The following TMTC2 variants were observed in gnomAD, a reference collection of about 807,000 sequenced individuals.
The protein encoded by TMTC2 is protein O-mannosyl-transferase TMTC2.
A neutral mutation model predicts 82.4 loss-of-function variants in TMTC2; 43 were observed. The ratio of observed to expected loss-of-function variants is 0.52; its 90% confidence interval spans 0.41 to 0.67. TMTC2 has a LOEUF of 0.67. Among genes scored for constraint, TMTC2 ranks in the 30% least tolerant of loss-of-function variants. The pLI is 0.00. For synonymous variants in TMTC2, 408 were observed against 381.9 expected (o/e 1.07, Z -0.80); for missense variants, 919 against 1,012.4 (o/e 0.91, Z 1.25).
intron 1 of TMTC2, chr12:82,760,474 T>G (rs1876557103): frequency 6.7e-6 from 1 of 149,084 alleles, no homozygotes; most frequent in Non-Finnish European, 1.5e-5. Flanking sequence ...GGGTTTTTTT[T>G]TTTTTTTTTT....
chr12:82,881,809 A>G (rs886337800), intron 2 of TMTC2, among the ~76,000 whole-genome samples: 1 of 152,204 alleles, frequency 6.6e-6, no homozygotes, highest in Non-Finnish European at 1.5e-5. Context: ...TGCTTTCAGC[A>G]AAGTTATTCC....
At chr12:83,081,026 C>G (rs1055696176) in intron 11 of TMTC2, among the ~76,000 whole-genome samples, 3 of 152,194 alleles carry the variant, frequency 2.0e-5, no homozygotes, top group African/African-American at 7.2e-5. Context: ...GGTCCCTATC[C>G]TCTCAGAGAC....
intron 2 of TMTC2, among the ~76,000 whole-genome samples, chr12:82,870,630 C>T (rs991611012): frequency 1.3e-5 from 2 of 152,202 alleles, no homozygotes; most frequent in East Asian, 3.8e-4. Flanking sequence ...TAGCATTCAT[C>T]CTGTTACTTG....
chr12:83,093,330 A>G (rs1883906665), intron 11 of TMTC2, among the ~76,000 whole-genome samples: 1 of 152,234 alleles, frequency 6.6e-6, no homozygotes, highest in Non-Finnish European at 1.5e-5. Context: ...TTGACCAAAA[A>G]AGAAAAAAGA....
chr12:82,899,902 G>A (rs368074475), intron 3 of TMTC2, among the ~76,000 whole-genome samples: 721 of 119,052 alleles, frequency 6.1e-3, no homozygotes, highest in African/African-American at 0.016. Flanking sequence ...ATGTAGGAAT[G>A]TATATACATA....
rs1452560727 is a variant in TMTC2, at chr12:82,815,459, C to T, written c.84-41551C>T. Among the ~76,000 whole-genome samples the T allele has an allele frequency of 2.6e-5, 4 of 151,724 alleles. 1 individual carries two copies. The South Asian group carries it at 6.2e-4, about 24-fold the overall frequency. On this transcript the variant is annotated intron_variant, in intron 1 of 11. Transcript: ENST00000321196. ...CTGAGTAGCTGGGACTACAGGCGCC[C>T]GCCACCACGCCCAGCTAATTTTTTT... is the stretch of plus-strand genomic sequence containing the variant.
rs557980754 is a variant in TMTC2 at position 83,117,833 on chromosome 12, G to A, written c.2332-14377G>A. Among the ~76,000 whole-genome samples the A allele has an allele frequency of 7.2e-5, 11 of 152,126 alleles. No individual in the cohort carries two copies. The East Asian group carries it at 1.9e-3, about 27-fold the overall frequency. On this transcript the variant is annotated intron_variant, in intron 11 of 11. Transcript: ENST00000321196. Reference sequence around the variant, plus strand: ...TTTGTGTCATCTATGATTTCTTTCAGCAGTGTTTGTAGTTTTCTTTGTAGA... The same window carrying A: ...TTTGTGTCATCTATGATTTCTTTCAACAGTGTTTGTAGTTTTCTTTGTAGA...
In TMTC2 at chr12:82,857,227, C is replaced by T. The variant is rs758121782; in HGVS notation, c.301C>T (p.Leu101Phe). ...NVLLHAAVTG[L>F]FTSFSKILLG... ...CCTGTTGCATGCAGCAGTCACTGGT[C>T]TCTTCACAAGCTTCTCCAAGATCCT... The change falls in exon 2 of 12, where the codon CTC (leucine) becomes TTC (phenylalanine). Residue 101 changes from leucine (L) to phenylalanine (F), a missense_variant. By Grantham distance (22) the Leu-to-Phe change is conservative. Coordinates refer to ENST00000321196, the MANE Select transcript of TMTC2 (RefSeq NM_152588.3). 1.2e-6 allele frequency: 2 copies of T among 1,614,164 alleles called. No individual in the cohort carries two copies.
intron 10 of TMTC2, among the ~76,000 whole-genome samples, chr12:83,057,647 T>C (rs1047723036): frequency 2.6e-5 from 4 of 151,896 alleles, no homozygotes; most frequent in Middle Eastern, 3.2e-3. Context: ...CATCAGAGCC[T>C]GGCAAGAATC....
chr12:82,797,319 A>G (rs1332796757), intron 1 of TMTC2, among the ~76,000 whole-genome samples: 1 of 152,172 alleles, frequency 6.6e-6, no homozygotes, highest in Non-Finnish European at 1.5e-5. Context: ...GGCTGTCTTC[A>G]CATTAATTGT....
chr12:82,802,084 C>T (rs1374167714), intron 1 of TMTC2, among the ~76,000 whole-genome samples: 1 of 152,062 alleles, frequency 6.6e-6, no homozygotes, highest in African/African-American at 2.4e-5. Context: ...CGCCATGGAG[C>T]AGGGGGTGGC....
At chr12:82,759,947 G>T (rs1876519774) in intron 1 of TMTC2, 2 of 152,042 alleles carry the variant, frequency 1.3e-5, no homozygotes, top group African/African-American at 4.8e-5. Flanking sequence ...ACAAAGTTTG[G>T]GTTACCTCGA....
Position 83,132,499 on chromosome 12 carries a change from G to A in TMTC2, c.*110G>A. ...AGCTGGTGTTAGACTTCAAGACCAG[G>A]GCAGAGGTCATTGAGGTCACTACCG... On this transcript the variant is annotated 3_prime_UTR_variant, in exon 12 of 12. Coordinates refer to ENST00000321196, the MANE Select transcript of TMTC2 (RefSeq NM_152588.3). 1 of 1,259,004 alleles carries A rather than the reference G, an allele frequency of 7.9e-7. No homozygotes were observed. The highest frequency in any genetic ancestry group is 1.4e-5 in the South Asian group (1 of 70,552). The allele number at this position is 1,259,004 out of a possible 1,614,324, so 78.0% of individuals were successfully genotyped here. A position where few individuals can be genotyped will look rare whatever the true frequency, so the allele number is the denominator to read the frequency against.
intron 4 of TMTC2, among the ~76,000 whole-genome samples, chr12:82,951,988 G>A (rs1877372726): frequency 1.3e-5 from 2 of 152,076 alleles, no homozygotes; most frequent in South Asian, 2.1e-4. Context: ...CGAATACAAA[G>A]TCTGCTATCC....
At chr12:82,819,555 G>A (rs1439101902) in intron 1 of TMTC2, among the ~76,000 whole-genome samples, 5 of 141,894 alleles carry the variant, frequency 3.5e-5, no homozygotes, top group Non-Finnish European at 7.5e-5. Context: ...AGGCTGGAGT[G>A]CAATGGCATG....
intron 9 of TMTC2, among the ~76,000 whole-genome samples, chr12:83,040,875 AGG>A (rs759772907): frequency 9.2e-5 from 14 of 151,898 alleles, no homozygotes; most frequent in Non-Finnish European, 1.6e-4. Context: ...TAGTAGAGAC[AGG>A]GGATCACCGT....
intron 4 of TMTC2, among the ~76,000 whole-genome samples, chr12:82,934,892 G>T (rs913431463): frequency 6.6e-6 from 1 of 152,036 alleles, no homozygotes; most frequent in African/African-American, 2.4e-5. Context: ...GTTGTTTCCT[G>T]ACTTTTTAAT....
At chr12:83,008,933 T>A (rs1305735532) in intron 8 of TMTC2, among the ~76,000 whole-genome samples, 9 of 152,188 alleles carry the variant, frequency 5.9e-5, no homozygotes, top group Non-Finnish European at 1.0e-4. Flanking sequence ...TCACTTGTAG[T>A]CCACTATTAT....
At chr12:82,794,798 GC>G (rs1878639410) in intron 1 of TMTC2, among the ~76,000 whole-genome samples, 1 of 152,052 alleles carries the variant, frequency 6.6e-6, no homozygotes, top group East Asian at 1.9e-4. Context: ...TCGCAGTTTT[GC>G]CATTTGCAGA....
Sources: gnomAD v4.1 joint callset for allele counts (sites outside exome capture counted in the v4.1 genomes callset) on GRCh38, gnomAD v4.1.1 for gene constraint, MANE v1.5 for transcripts, NCBI Gene and HGNC (gene_info 2026-07-23, HGNC 2026-07-21) for gene names.